SV2C: variants seen among roughly 807,000 people sequenced by gnomAD.
SV2C encodes synaptic vesicle glycoprotein 2C.
A neutral mutation model predicts 79.7 loss-of-function variants in SV2C; 49 were observed. The ratio of observed to expected loss-of-function variants is 0.61; its 90% CI spans 0.49 to 0.78. The LOEUF (loss-of-function observed/expected upper bound fraction) is 0.78, where lower values mean the gene tolerates loss of function less well. SV2C is among the 30% of genes least tolerant of loss of function. The pLI, the probability that SV2C is intolerant of heterozygous loss-of-function variation, is 0.00. For missense variants in SV2C, 833 were observed against 912.9 expected, an observed-to-expected ratio of 0.91 and a Z score of 1.13; for synonymous variants, 334 against 333.2, an observed-to-expected ratio of 1.00 and a Z score of -0.03.
chr5:76,069,437 C>A, the SV2C span, among the ~76,000 whole-genome samples: 1 of 152,182 alleles, frequency 6.6e-6, no homozygotes, highest in Non-Finnish European at 1.5e-5. Flanking sequence ...CATCCCTGAT[C>A]GTCATTCTGC....
At chr5:76,245,030 T>C (rs1745902617) in intron 4 of SV2C, among the ~76,000 whole-genome samples, 1 of 152,222 alleles carries the variant, frequency 6.6e-6, no homozygotes, top group African/African-American at 2.4e-5. Context: ...TATGTCAGCT[T>C]TTCTAGGAAA....
At chr5:76,348,812 A>G (rs1749590976) in intron 12 of SV2C, among the ~76,000 whole-genome samples, 1 of 151,992 alleles carries the variant, frequency 6.6e-6, no homozygotes, top group African/African-American at 2.4e-5. Flanking sequence ...CAGCCTGGCC[A>G]AGATGGTGAA....
At chr5:76,158,092 T>C (rs1742789183) in intron 2 of SV2C, among the ~76,000 whole-genome samples, 1 of 151,742 alleles carries the variant, frequency 6.6e-6, no homozygotes, top group South Asian at 2.1e-4. Flanking sequence ...GAAAATATTC[T>C]CTTAATGCAC....
intron 12 of SV2C, among the ~76,000 whole-genome samples, chr5:76,351,460 A>AAT (rs1554049800): frequency 2.4e-4 from 36 of 151,724 alleles, no homozygotes; most frequent in Non-Finnish European, 3.8e-4. Flanking sequence ...AAAAAAAAAA[A>AAT]ATAGTCTCAA....
At chr5:76,353,116 T>A (rs79469676) in intron 12 of SV2C, 17 of 142,094 alleles carry the variant, frequency 1.2e-4, no homozygotes, top group African/African-American at 1.2e-3. Flanking sequence ...AATTTTTTAA[T>A]TTTTTTTTTG....
the SV2C span, among the ~76,000 whole-genome samples, chr5:76,003,852 A>G: frequency 2.0e-5 from 3 of 151,996 alleles, no homozygotes; most frequent in East Asian, 5.8e-4. Context: ...AATCAAAGCA[A>G]AAGTCAGGCC....
chr5:76,047,704 A>G, the SV2C span, among the ~76,000 whole-genome samples: 6 of 152,282 alleles, frequency 3.9e-5, no homozygotes, highest in Non-Finnish European at 8.8e-5. Flanking sequence ...AATAAGTTCA[A>G]GAGATCTATT....
the SV2C span, among the ~76,000 whole-genome samples, chr5:75,897,211 G>T: frequency 3.7e-3 from 554 of 149,112 alleles, 9 homozygotes; most frequent in East Asian, 0.035. Context: ...GGTCTAACAT[G>T]TAAGTCTTTA....
the SV2C span, among the ~76,000 whole-genome samples, chr5:75,914,035 C>T: frequency 6.6e-6 from 1 of 151,904 alleles, no homozygotes; most frequent in Non-Finnish European, 1.5e-5. Context: ...ACCCATTTGC[C>T]AATGTGGGTC....
At chr5:76,215,768 T>A (rs1344512747) in intron 4 of SV2C, among the ~76,000 whole-genome samples, 4 of 152,188 alleles carry the variant, frequency 2.6e-5, no homozygotes, top group Non-Finnish European at 5.9e-5. Flanking sequence ...CTCAGCCTTC[T>A]CATATTAGTA....
At chr5:76,268,620 G>A (rs73766765) in intron 4 of SV2C, among the ~76,000 whole-genome samples, 22,133 of 152,184 alleles carry the variant, frequency 0.15, 1,843 homozygotes, top group African/African-American at 0.23. Context: ...GAACGCAAAC[G>A]CTTTAGGAAA....
the SV2C span, among the ~76,000 whole-genome samples, chr5:75,890,269 C>T: frequency 6.6e-6 from 1 of 152,060 alleles, no homozygotes; most frequent in Non-Finnish European, 1.5e-5. Context: ...TACACTTGTT[C>T]AGCAAAGCAG....
chr5:76,085,693 G>A (rs1461146946), intron 1 of SV2C, among the ~76,000 whole-genome samples: 1 of 152,098 alleles, frequency 6.6e-6, no homozygotes, highest in East Asian at 1.9e-4. Context: ...TCTGAGAATT[G>A]TGAAAAATAG....
intron 4 of SV2C, among the ~76,000 whole-genome samples, chr5:76,223,803 G>A (rs531788707): frequency 5.9e-5 from 9 of 152,132 alleles, no homozygotes; most frequent in African/African-American, 2.2e-4. Context: ...AGACTGGGTG[G>A]CTTAAACAGC....
chr5:76,231,708 A>T (rs1466705954), intron 4 of SV2C, among the ~76,000 whole-genome samples: 1 of 142,786 alleles, frequency 7.0e-6, no homozygotes, highest in Admixed American at 6.7e-5. Context: ...TGTTCTTGTG[A>T]TAGTTTACTG....
chr5:76,168,528 G>T (rs1014699289), intron 2 of SV2C, among the ~76,000 whole-genome samples: 4 of 152,174 alleles, frequency 2.6e-5, no homozygotes, highest in African/African-American at 7.2e-5. Context: ...AGATGATGTC[G>T]TGAAGGAGGT....
At chr5:75,854,510 A>G in the SV2C span, among the ~76,000 whole-genome samples, 2 of 152,176 alleles carry the variant, frequency 1.3e-5, no homozygotes, top group African/African-American at 4.8e-5. Context: ...TCATTCAAGT[A>G]TCTTATTTTG....
At chr5:76,260,040 G>A (rs907489044) in intron 4 of SV2C, among the ~76,000 whole-genome samples, 8 of 152,168 alleles carry the variant, frequency 5.3e-5, no homozygotes, top group Admixed American at 1.3e-4. Context: ...CACAATGGTC[G>A]AACTAATTAA....
At chr5:75,964,452 C>T in the SV2C span, among the ~76,000 whole-genome samples, 1 of 152,120 alleles carries the variant, frequency 6.6e-6, no homozygotes, top group Non-Finnish European at 1.5e-5. Flanking sequence ...AACTCCTTGC[C>T]ACCTCTGTGT....
Sources: allele counts gnomAD v4.1 joint callset (sites outside exome capture counted in the v4.1 genomes callset), GRCh38; gene constraint gnomAD v4.1.1; transcripts MANE v1.5; gene names NCBI Gene and HGNC (gene_info 2026-07-23, HGNC 2026-07-21).